RYR2: variants seen among roughly 807,000 people sequenced by gnomAD.
RYR2 encodes the protein ryanodine receptor 2, also known as cardiac muscle ryanodine receptor-calcium release channel.
Under a neutral mutation model 601.1 loss-of-function variants are expected in RYR2, and 227 were observed. The observed-to-expected ratio is 0.38, with a 90% confidence interval of 0.34 to 0.42. The LOEUF is 0.42. RYR2 is among the 10% of genes least tolerant of loss of function. The pLI, the probability that RYR2 is intolerant of heterozygous loss-of-function variation, is 1.00. For synonymous variants in RYR2, 2,223 were observed against 2,175.1 expected, an observed-to-expected ratio of 1.02 and a Z score of -0.61; for missense variants, 4,646 against 6,156.5, an observed-to-expected ratio of 0.75 and a Z score of 8.21.
chr1:237,191,538 G>A (rs1235621701), intron 1 of RYR2, among the ~76,000 whole-genome samples: 1 of 152,008 alleles, frequency 6.6e-6, no homozygotes, highest in Non-Finnish European at 1.5e-5. Flanking sequence ...AGCAAGAAAT[G>A]TGAGCTGTTG....
chr1:237,403,701 C>A (rs1381390204), intron 10 of RYR2, among the ~76,000 whole-genome samples: 3 of 152,194 alleles, frequency 2.0e-5, no homozygotes, highest in Non-Finnish European at 4.4e-5. Flanking sequence ...GCTGGGATTG[C>A]AGGCATGAGC....
rs1333353951 is a variant in RYR2 at position 237,772,062 on chromosome 1, A to G, written c.11608A>G (p.Ile3870Val). The G allele has an allele frequency of 4.5e-6, 7 of 1,553,962 alleles. No individual in the cohort carries two copies. The highest frequency in any genetic ancestry group is 2.4e-5 in the South Asian group (2 of 85,012). Reference protein sequence around the residue: ...TQTGNNTTVNIIISTVDYLLR... With the variant: ...TQTGNNTTVNVIISTVDYLLR... ...GACTGGCAATAATACAACTGTCAAC[A>G]TAATTATCTCCACTGTAGACTACCT... is the stretch of plus-strand genomic sequence containing the variant. Residue 3870 changes from isoleucine to valine, a missense_variant, in exon 86 of 105, where the codon ATA (isoleucine) becomes GTA (valine). By Grantham distance (29) the Ile-to-Val change is conservative. This residue lies in a region of RYR2 where 90 missense variants were observed against 213.3 expected (regional missense o/e 0.42). Transcript: ENST00000366574.
At chr1:237,381,074 A>G (rs1481380343) in intron 8 of RYR2, among the ~76,000 whole-genome samples, 1 of 151,710 alleles carries the variant, frequency 6.6e-6, no homozygotes. Context: ...GTGAAATTCC[A>G]TCTCAAAAGA....
At chr1:237,174,588 G>A (rs1287390850) in intron 1 of RYR2, among the ~76,000 whole-genome samples, 4 of 152,160 alleles carry the variant, frequency 2.6e-5, no homozygotes, top group Admixed American at 6.5e-5. Flanking sequence ...AACACTCAAT[G>A]GAGTGAGTGG....
intron 1 of RYR2, among the ~76,000 whole-genome samples, chr1:237,109,960 G>A (rs932190541): frequency 6.6e-6 from 1 of 151,786 alleles, no homozygotes; most frequent in Non-Finnish European, 1.5e-5. Flanking sequence ...ACAGACACAG[G>A]GCCAGTAAGG....
chr1:237,511,639 G>C, intron 23 of RYR2, 49 bp from the exon 24 acceptor site: 1 of 1,379,466 alleles, frequency 7.2e-7, no homozygotes, highest in Non-Finnish European at 1.0e-6. Flanking sequence ...TCCATTGCTA[G>C]TGCCTGGCAT....
At chr1:237,206,369 G>A (rs60763927) in intron 1 of RYR2, among the ~76,000 whole-genome samples, 13,506 of 152,126 alleles carry the variant, frequency 0.089, 675 homozygotes, top group East Asian at 0.18. Flanking sequence ...GTTACTTTAG[G>A]TACCATTTAT....
chr1:237,353,002 G>A (rs77704048), intron 3 of RYR2: 8,011 of 377,076 alleles, frequency 0.021, 120 homozygotes, highest in South Asian at 0.027. Context: ...TAGTAGCTTC[G>A]TGTCATTTTA....
At chr1:237,175,806 C>A (rs893435812) in intron 1 of RYR2, among the ~76,000 whole-genome samples, 6 of 152,182 alleles carry the variant, frequency 3.9e-5, no homozygotes, top group Admixed American at 6.5e-5. Flanking sequence ...GCAGAAGGAA[C>A]TATCACAGTC....
chr1:237,793,846 G>GGCA, intron 94 of RYR2, 21 bp from the exon 95 acceptor site: 7 of 1,566,696 alleles, frequency 4.5e-6, no homozygotes, highest in Non-Finnish European at 5.2e-6. Flanking sequence ...TAATTTTAAC[G>GGCA]TATTTATTTT....
chr1:237,149,870 C>G (rs1473015551), intron 1 of RYR2, among the ~76,000 whole-genome samples: 1 of 152,112 alleles, frequency 6.6e-6, no homozygotes, highest in African/African-American at 2.4e-5. Flanking sequence ...TGAGTATTTT[C>G]AAATACATGA....
chr1:237,656,918 G>T (rs1039720604), intron 53 of RYR2, among the ~76,000 whole-genome samples: 6 of 152,130 alleles, frequency 3.9e-5, no homozygotes, highest in African/African-American at 1.4e-4. Flanking sequence ...TTGATCTTTT[G>T]TATCTCTTCC....
chr1:237,660,663 A>C, intron 55 of RYR2, 147 bp from the exon 56 acceptor site: 1 of 696,768 alleles, frequency 1.4e-6, no homozygotes, highest in East Asian at 3.1e-5. Flanking sequence ...GCTTTTCAGA[A>C]TTTTACTTTC....
chr1:237,611,502 A>G (rs1677865614), intron 36 of RYR2, among the ~76,000 whole-genome samples: 4 of 152,198 alleles, frequency 2.6e-5, no homozygotes, highest in Admixed American at 2.6e-4. Flanking sequence ...CAGTAATAAT[A>G]GTAACATAAA....
intron 29 of RYR2, among the ~76,000 whole-genome samples, chr1:237,578,184 G>A (rs2618704): frequency 0.61 from 92,045 of 152,008 alleles, 30,212 homozygotes; most frequent in Non-Finnish European, 0.72. Context: ...AGGAGAAATT[G>A]ATGATAAAGG....
intron 1 of RYR2, among the ~76,000 whole-genome samples, chr1:237,214,912 G>A (rs762188076): frequency 7.2e-5 from 11 of 152,270 alleles, no homozygotes; most frequent in African/African-American, 2.6e-4. Context: ...CCTGGAGCAC[G>A]TATATATCTA....
At chr1:237,294,726 G>A (rs1692585985) in intron 2 of RYR2, among the ~76,000 whole-genome samples, 1 of 152,136 alleles carries the variant, frequency 6.6e-6, no homozygotes, top group South Asian at 2.1e-4. Flanking sequence ...TGCTTCTGGA[G>A]TGTATGGTGG....
In RYR2 at chr1:237,279,347, T is replaced by C. The variant is rs182119559; in HGVS notation, c.168+8731T>C. ...ACTCTCTATACTGCTGAGTCTCACC[T>C]TGTTCAGATGATCTAAAACTCATGA... On this transcript the variant is annotated intron_variant, in intron 2 of 104. Coordinates refer to ENST00000366574, the MANE Select transcript of RYR2 (RefSeq NM_001035.3). 9.2e-5 allele frequency among the ~76,000 whole-genome samples: 14 copies of C among 152,296 alleles called. No homozygotes were observed. The East Asian group carries it at 2.7e-3, about 29-fold the overall frequency.
Position 237,757,770 on chromosome 1 carries a change from A to G in RYR2, c.11319A>G (p.Val3773=). 6.3e-7 allele frequency: 1 copy of G among 1,586,554 alleles called. No homozygotes were observed. Residue 3773 remains valine, a synonymous_variant, in exon 82 of 105, where the codon GTA becomes GTG. Coordinates refer to ENST00000366574, the MANE Select transcript of RYR2 (RefSeq NM_001035.3). ...TTTTAAATGGTGGGAACTCCACAGTACAGCAGGTAACAGCTTCCAGTCATT... is the reference window on the plus strand; with the variant it reads ...TTTTAAATGGTGGGAACTCCACAGTGCAGCAGGTAACAGCTTCCAGTCATT... The part of the protein sequence containing the change: ...IAILNGGNST[V]QQKMLDYLKE...
Sources: gnomAD v4.1 joint callset for allele counts (sites outside exome capture counted in the v4.1 genomes callset) on GRCh38, gnomAD v4.1.1 for gene constraint, gnomAD v4.1.1 regional missense constraint, MANE v1.5 for transcripts, NCBI Gene and HGNC (gene_info 2026-07-23, HGNC 2026-07-21) for gene names.